The following SPEGNB variants were observed in gnomAD, a reference collection of about 807,000 sequenced individuals.
The protein encoded by SPEGNB is SPEG neighbor, also known as SPEG neighbor protein.
SPEGNB carries 12 observed loss-of-function variants against 18.3 expected under a neutral mutation model. That is an observed-to-expected ratio of 0.65 (90% confidence interval 0.42 to 1.06). The LOEUF (loss-of-function observed/expected upper bound fraction) is 1.06. Ranked by LOEUF, SPEGNB falls within the 50% of genes least tolerant of loss-of-function variation. The pLI is 0.00. For missense variants in SPEGNB, 273 were observed against 329.3 expected, an observed-to-expected ratio of 0.83 and a Z score of 1.32; for synonymous variants, 113 against 138.8, an observed-to-expected ratio of 0.81 and a Z score of 1.31.
chr2:219,497,331 TGGACTTCCATCACGC>T (rs979335648), intron 3 of SPEGNB, among the ~76,000 whole-genome samples: 6 of 152,292 alleles, frequency 3.9e-5, no homozygotes, highest in African/African-American at 1.4e-4. Flanking sequence ...CAGTCAGCTG[TGGACTTCCATCACGC>T]GGCTCCGGGT....
intron 3 of SPEGNB, 172 bp from the exon 4 acceptor site, chr2:219,497,548 T>G (rs1575216468): frequency 1.3e-6 from 1 of 757,978 alleles, no homozygotes; most frequent in East Asian, 7.0e-5. Context: ...GAGGCAGGGA[T>G]AAGTCCCTTT....
chr2:219,496,799 C>G lies in SPEGNB; in HGVS notation c.129-10C>G, dbSNP rs1694233073. On this transcript the variant is annotated splice_polypyrimidine_tract_variant and intron_variant, in intron 2 of 4. Coordinates refer to ENST00000651166, the MANE Select transcript of SPEGNB (RefSeq NM_001286811.2). ...TAGGAACTCTGGGCCCTGACTCGGC[C>G]CGCGGGTAGGTCCCGGAAGGAGCTG... 1 of 1,227,802 alleles carries G rather than the reference C, an allele frequency of 8.1e-7. No homozygotes were observed. Among genetic ancestry groups the G allele is most frequent in the South Asian group, 1.4e-5 (1 of 70,350 alleles). The allele number at this position is 1,227,802 out of a possible 1,614,324, so 76.1% of individuals were successfully genotyped here.
At chr2:219,497,230 C>T (rs1694245958) in intron 3 of SPEGNB, 114 bp downstream of exon 3, 1 of 837,586 alleles carries the variant, frequency 1.2e-6, no homozygotes, top group Non-Finnish European at 1.5e-6. Flanking sequence ...GGGTCCCCGC[C>T]AGCCCAGCTC....
At chr2:219,497,642 G>A (rs1694255575) in intron 3 of SPEGNB, 78 bp from the exon 4 acceptor site, 2 of 1,256,746 alleles carry the variant, frequency 1.6e-6, no homozygotes, top group Non-Finnish European at 2.1e-6. Context: ...ATTTAGTGCC[G>A]GGTATTAGCC....
chr2:219,497,956 C>T (rs1694263341), intron 4 of SPEGNB, 95 bp downstream of exon 4: 3 of 1,278,134 alleles, frequency 2.3e-6, no homozygotes, highest in Non-Finnish European at 3.1e-6. Flanking sequence ...GGGGCGGGGA[C>T]TGGGCAGCGA....
chr2:219,497,572 A>T, intron 3 of SPEGNB, 148 bp from the exon 4 acceptor site: 1 of 998,748 alleles, frequency 1.0e-6, no homozygotes, highest in Non-Finnish European at 1.3e-6. Context: ...AGCCAAGGAG[A>T]TGAAACCAGA....
rs896373461 is a variant in SPEGNB at position 219,496,530 on chromosome 2, C to G, written c.128+48C>G. The G allele has an allele frequency of 5.0e-6, 6 of 1,195,580 alleles. No homozygotes were observed. In the Admixed American group the frequency reaches 1.3e-4, roughly 26 times the overall value. 74.1% of individuals were successfully genotyped at this position (1,195,580 alleles called of 1,614,324 possible). On this transcript the variant is annotated intron_variant, in intron 2 of 4. Coordinates refer to ENST00000651166, the MANE Select transcript of SPEGNB (RefSeq NM_001286811.2). Reference sequence around the variant, plus strand: ...TGTGGAGGAAGGGAGCTGCAGAGAGCGCACTCTTGAGTAGGGTTTGAGTAA... The same window carrying G: ...TGTGGAGGAAGGGAGCTGCAGAGAGGGCACTCTTGAGTAGGGTTTGAGTAA...
At position 219,496,859 on chromosome 2, in the gene SPEGNB, T is replaced by A; in HGVS notation, c.179T>A (p.Leu60Gln). ...GGGCCGCCGCGGGTGCTGGAGCCGC[T>A]GAAGGACGTGGTGCTGATCGAAGGC... is the stretch of plus-strand genomic sequence containing the variant. Reference protein sequence around the residue: ...EKGPPRVLEPLKDVVLIEGSA... With the variant: ...EKGPPRVLEPQKDVVLIEGSA... The change falls in exon 3 of 5, where the codon CTG (leucine) becomes CAG (glutamine). Residue 60 changes from leucine (L) to glutamine (Q), a missense_variant. Coordinates refer to ENST00000651166, the MANE Select transcript of SPEGNB (RefSeq NM_001286811.2). 1 of 1,269,546 alleles carries A rather than the reference T, an allele frequency of 7.9e-7. No homozygotes were observed. The highest frequency in any genetic ancestry group is 1.0e-6 in the Non-Finnish European group (1 of 965,550). 78.6% of individuals were successfully genotyped at this position (1,269,546 alleles called of 1,614,324 possible). A position where few individuals can be genotyped will look rare whatever the true frequency, so the allele number is the denominator to read the frequency against.
In SPEGNB at chr2:219,498,135, C is replaced by T. The variant is rs1391489065; in HGVS notation, c.663C>T (p.Tyr221=). 1 of 1,304,332 alleles carries T rather than the reference C, an allele frequency of 7.7e-7. No individual in the cohort carries two copies. The highest frequency in any genetic ancestry group is 2.3e-5 in the Admixed American group (1 of 43,572). The allele number at this position is 1,304,332 out of a possible 1,614,324, so 80.8% of individuals were successfully genotyped here. A position where few individuals can be genotyped will look rare whatever the true frequency, so the allele number is the denominator to read the frequency against. ...AGGACAGCGGCAAGTACGAGGTGTA[C>T]GTGGAGAACAGCCTGGGCATGGACC... ...TPQDSGKYEV[Y]VENSLGMDQS... Residue 221 remains tyrosine, a synonymous_variant, in exon 5 of 5, where the codon TAC becomes TAT. Coordinates refer to ENST00000651166, the MANE Select transcript of SPEGNB (RefSeq NM_001286811.2).
At chr2:219,497,612 G>A in intron 3 of SPEGNB, 108 bp from the exon 4 acceptor site, 1 of 1,203,366 alleles carries the variant, frequency 8.3e-7, no homozygotes, top group Non-Finnish European at 1.1e-6. Flanking sequence ...ACGTCACACT[G>A]CGAGTTTAAA....
Position 219,496,972 on chromosome 2 carries a change from C to T in SPEGNB, c.292C>T (p.Pro98Ser). The change falls in exon 3 of 5, where the codon CCC becomes TCC. Residue 98 changes from proline (P) to serine (S), a missense_variant. Physicochemically the swap from Pro to Ser is moderately conservative, Grantham distance 74 (BLOSUM62 -1). Coordinates refer to ENST00000651166, the MANE Select transcript of SPEGNB (RefSeq NM_001286811.2). ...SKDGKELRDGPKYRYVFEDPD... is the reference protein window; with the variant it reads ...SKDGKELRDGSKYRYVFEDPD... ...GGACGGCAAGGAGCTACGTGACGGT[C>T]CCAAGTACCGCTACGTCTTCGAGGA... 7.7e-7 allele frequency: 1 copy of T among 1,303,668 alleles called. No individual in the cohort carries two copies. The highest frequency in any genetic ancestry group is 1.0e-6 in the Non-Finnish European group (1 of 988,258). The allele number at this position is 1,303,668 out of a possible 1,614,324, so 80.8% of individuals were successfully genotyped here.
Position 219,498,125 on chromosome 2 carries a change from A to G in SPEGNB, c.653A>G (p.Tyr218Cys). The G allele has an allele frequency of 7.7e-7, 1 of 1,304,330 alleles. No homozygotes were observed. The highest frequency in any genetic ancestry group is 1.0e-6 in the Non-Finnish European group (1 of 988,966). 80.8% of individuals were successfully genotyped at this position (1,304,330 alleles called of 1,614,324 possible). The change falls in exon 5 of 5, where the codon TAC (tyrosine) becomes TGC (cysteine). Residue 218 changes from tyrosine to cysteine, a missense_variant. Physicochemically the swap from Tyr to Cys is radical, Grantham distance 194. Coordinates refer to ENST00000651166, the MANE Select transcript of SPEGNB (RefSeq NM_001286811.2). ...RRATPQDSGK[Y>C]EVYVENSLGM... ...GCCACGCCTCAGGACAGCGGCAAGT[A>G]CGAGGTGTACGTGGAGAACAGCCTG... is the stretch of plus-strand genomic sequence containing the variant.
At chr2:219,497,926 G>A in intron 4 of SPEGNB, 65 bp downstream of exon 4, 1 of 1,290,040 alleles carries the variant, frequency 7.8e-7, no homozygotes, top group Non-Finnish European at 1.0e-6. Context: ...ACTGAGCCCA[G>A]AAATCTGGCT....
chr2:219,496,431 C>T lies in SPEGNB; in HGVS notation c.77C>T (p.Pro26Leu). 1 of 1,292,448 alleles carries T rather than the reference C, an allele frequency of 7.7e-7. No individual in the cohort carries two copies. The highest frequency in any genetic ancestry group is 1.0e-6 in the Non-Finnish European group (1 of 979,828). The allele number at this position is 1,292,448 out of a possible 1,614,324, so 80.1% of individuals were successfully genotyped here. Residue 26 changes from proline to leucine, a missense_variant, in exon 2 of 5, where the codon CCA (proline) becomes CTA (leucine). Pro to Leu is a moderately conservative substitution (Grantham distance 98). Transcript: ENST00000651166. ...GGATGTACCCTGGACATCAATGACC[C>T]ACAGGTCCAGAGTGCGGCCATTCGT... ...APGCTLDINDPQVQSAAIRIQ... is the reference protein window; with the variant it reads ...APGCTLDINDLQVQSAAIRIQ...
intron 3 of SPEGNB, 141 bp downstream of exon 3, chr2:219,497,257 C>CTGG: frequency 1.7e-6 from 1 of 579,336 alleles, no homozygotes; most frequent in Non-Finnish European, 2.3e-6. Context: ...CGGCCTGGGG[C>CTGG]GCATCGCCGC....
chr2:219,497,790 G>C lies in SPEGNB; in HGVS notation c.507G>C (p.Ala169=), dbSNP rs1424924578. ...AAGGCACCACCGTGACGCTGACTGC[G>C]GAGATCCTGGGAGAGCCTGCGCCCG... ...ARKGTTVTLT[A]EILGEPAPDV... is the part of the protein sequence containing the mutation. Residue 169 remains alanine, a synonymous_variant, in exon 4 of 5, where the codon GCG becomes GCC. Transcript: ENST00000651166. 5.4e-6 allele frequency: 7 copies of C among 1,304,308 alleles called. No homozygotes were observed. Among genetic ancestry groups the C allele is most frequent in the Non-Finnish European group, 5.1e-6 (5 of 988,968 alleles). 80.8% of individuals were successfully genotyped at this position (1,304,308 alleles called of 1,614,324 possible). A position where few individuals can be genotyped will look rare whatever the true frequency, so the allele number is the denominator to read the frequency against.
At chr2:219,496,689 A>G in intron 2 of SPEGNB, 120 bp from the exon 3 acceptor site, 7 of 1,029,950 alleles carry the variant, frequency 6.8e-6, no homozygotes, top group Non-Finnish European at 8.7e-6. Flanking sequence ...CTTCCCTACC[A>G]AGCCACACGT....
At chr2:219,497,929 A>G (rs1694262852) in intron 4 of SPEGNB, 68 bp downstream of exon 4, 2 of 1,288,480 alleles carry the variant, frequency 1.6e-6, no homozygotes, top group East Asian at 5.6e-5. Context: ...GAGCCCAGAA[A>G]TCTGGCTGGA....
intron 3 of SPEGNB, 47 bp downstream of exon 3, chr2:219,497,163 C>T (rs1352786598): frequency 6.2e-6 from 7 of 1,132,182 alleles, no homozygotes; most frequent in Non-Finnish European, 7.8e-6. Flanking sequence ...CAGCACCACT[C>T]AGCCAGAGCC....
Sources: gnomAD v4.1 joint callset for allele counts (sites outside exome capture counted in the v4.1 genomes callset) on GRCh38, gnomAD v4.1.1 for gene constraint, MANE v1.5 for transcripts, NCBI Gene and HGNC (gene_info 2026-07-23, HGNC 2026-07-21) for gene names.